Variants in NBAS observed in about 807,000 individuals in gnomAD.
The protein encoded by NBAS is NAG/BC035112 fusion.
NBAS carries 219 observed loss-of-function variants against 302.5 expected under a neutral mutation model. The observed-to-expected ratio is 0.72, with a 90% CI of 0.65 to 0.81. The LOEUF is 0.81. NBAS is among the 30% of genes least tolerant of loss of function. The probability of loss-of-function intolerance (pLI) is 0.00; values close to 1 mark genes in which losing one functional copy is unlikely to be tolerated. For missense variants in NBAS, 2,932 were observed against 2,841.6 expected, an observed-to-expected ratio of 1.03 and a Z score of -0.72; for synonymous variants, 1,118 against 1,021.6, an observed-to-expected ratio of 1.09 and a Z score of -1.80.
At chr2:14,907,707 G>T in the NBAS span, 1 of 152,224 alleles carries the variant, frequency 6.6e-6, no homozygotes, top group Non-Finnish European at 1.5e-5. Flanking sequence ...TCACATTCTG[G>T]CTTTCAGCCT....
At chr2:15,068,983 T>TG in the NBAS span, among the ~76,000 whole-genome samples, 2 of 152,024 alleles carry the variant, frequency 1.3e-5, no homozygotes, top group Non-Finnish European at 2.9e-5. Context: ...CTCACATGGT[T>TG]GGGGGGGCTT....
chr2:14,783,508 C>G, the NBAS span, among the ~76,000 whole-genome samples: 1 of 128,854 alleles, frequency 7.8e-6, no homozygotes, highest in African/African-American at 2.9e-5. Context: ...GTGTGATGTT[C>G]CCCTTCCTGT....
chr2:15,434,964 A>G (rs754970161), intron 21 of NBAS, among the ~76,000 whole-genome samples: 2 of 152,218 alleles, frequency 1.3e-5, no homozygotes, highest in Non-Finnish European at 2.9e-5. Flanking sequence ...AGAAAAACAG[A>G]GAGACCCTTA....
the NBAS span, among the ~76,000 whole-genome samples, chr2:14,992,413 G>GA: frequency 6.6e-6 from 1 of 152,176 alleles, no homozygotes; most frequent in East Asian, 1.9e-4. Flanking sequence ...CATACATCCT[G>GA]TTGTGCCTAA....
At chr2:15,552,142 G>C (rs73915373) in intron 5 of NBAS, among the ~76,000 whole-genome samples, 1 of 152,100 alleles carries the variant, frequency 6.6e-6, no homozygotes, top group East Asian at 1.9e-4. Context: ...AAACCTTCAT[G>C]TCTGTAGCAT....
Position 15,299,629 on chromosome 2 carries a change from T to G in NBAS, c.4798-6863A>C, listed in dbSNP as rs182370980. ...TCATCCCCCGCTGAGTTTGCTTCCC[T>G]AGTCTATAAAACTAAAGGACGTTTC... On this transcript the variant is annotated intron_variant, in intron 40 of 51. Transcript: ENST00000281513. 3.1e-4 allele frequency among the ~76,000 whole-genome samples: 47 copies of G among 152,358 alleles called. 1 individual carries two copies. The East Asian group carries it at 6.4e-3, about 21-fold the overall frequency.
At chr2:14,957,998 C>T in the NBAS span, among the ~76,000 whole-genome samples, 1 of 152,182 alleles carries the variant, frequency 6.6e-6, no homozygotes, top group Admixed American at 6.5e-5. Context: ...GCCTCTGAAC[C>T]CATCTAGGCT....
chr2:15,200,915 T>C (rs988896399), intron 48 of NBAS, among the ~76,000 whole-genome samples: 2 of 152,232 alleles, frequency 1.3e-5, no homozygotes, highest in African/African-American at 4.8e-5. Context: ...CCTACAGGTA[T>C]TGACAGTTGC....
chr2:14,914,635 G>A, the NBAS span, among the ~76,000 whole-genome samples: 1 of 152,142 alleles, frequency 6.6e-6, no homozygotes, highest in Non-Finnish European at 1.5e-5. Context: ...CTGATTTTAT[G>A]AGATGTCAAG....
chr2:15,402,054 T>C (rs569641799), intron 26 of NBAS, 114 bp downstream of exon 26: 15 of 1,124,208 alleles, frequency 1.3e-5, no homozygotes, highest in Non-Finnish European at 1.9e-5. Flanking sequence ...TTCTTCCTTA[T>C]GTTTTTTTCA....
At chr2:15,342,185 T>C (rs1191625244) in intron 35 of NBAS, among the ~76,000 whole-genome samples, 2 of 152,112 alleles carry the variant, frequency 1.3e-5, no homozygotes, top group Non-Finnish European at 2.9e-5. Context: ...TATACAAAGA[T>C]GTGTACGTAG....
At chr2:15,183,442 C>G (rs548742338) in intron 50 of NBAS, among the ~76,000 whole-genome samples, 3 of 152,206 alleles carry the variant, frequency 2.0e-5, no homozygotes, top group Admixed American at 6.5e-5. Flanking sequence ...TACTTTGCAA[C>G]GGGATTTAAC....
intron 44 of NBAS, among the ~76,000 whole-genome samples, chr2:15,252,977 A>C (rs1404279783): frequency 6.6e-6 from 1 of 152,228 alleles, no homozygotes; most frequent in African/African-American, 2.4e-5. Flanking sequence ...CTTTAAAAAG[A>C]AGGTGACACC....
chr2:15,506,732 T>C (rs888542946), intron 10 of NBAS, among the ~76,000 whole-genome samples: 5 of 151,880 alleles, frequency 3.3e-5, no homozygotes, highest in African/African-American at 1.2e-4. Flanking sequence ...TAAAGAAAGC[T>C]GGGAACAAAA....
intron 48 of NBAS, among the ~76,000 whole-genome samples, chr2:15,210,167 AATC>A (rs1011823568): frequency 1.3e-5 from 2 of 152,190 alleles, no homozygotes; most frequent in African/African-American, 4.8e-5. Flanking sequence ...CAAAGGAAAC[AATC>A]AACAAAGTGA....
the NBAS span, among the ~76,000 whole-genome samples, chr2:14,803,422 T>A: frequency 6.6e-6 from 1 of 152,218 alleles, no homozygotes; most frequent in African/African-American, 2.4e-5. Flanking sequence ...TTTTGTACTC[T>A]CACTACCTTG....
the NBAS span, among the ~76,000 whole-genome samples, chr2:15,024,260 A>G: frequency 0.77 from 116,904 of 151,680 alleles, 45,329 homozygotes; most frequent in East Asian, 1. Context: ...GCTAAGGATG[A>G]TGACCTCCAG....
chr2:15,532,856 C>T (rs115516029), intron 9 of NBAS, among the ~76,000 whole-genome samples: 169 of 151,672 alleles, frequency 1.1e-3, no homozygotes, highest in African/African-American at 3.9e-3. Context: ...AGAAAAGTCA[C>T]ATCTTGGTAA....
chr2:15,232,304 T>C lies in NBAS; in HGVS notation c.6236+118A>G, dbSNP rs1667413027. On this transcript the variant is annotated intron_variant, in intron 47 of 51. Coordinates refer to ENST00000281513, the MANE Select transcript of NBAS (RefSeq NM_015909.4). ...ATGTCTCCAAGTGCAGAGCCGCTCCTTTCCCACCTAAAAATGTGGCTTAGT... is the reference window on the plus strand; with the variant it reads ...ATGTCTCCAAGTGCAGAGCCGCTCCCTTCCCACCTAAAAATGTGGCTTAGT... 4 of 932,672 alleles carry C rather than the reference T, an allele frequency of 4.3e-6. No homozygotes were observed. In the East Asian group the frequency reaches 1.1e-4, roughly 25 times the overall value. 57.8% of individuals were successfully genotyped at this position (932,672 alleles called of 1,614,324 possible).
Sources: gnomAD v4.1 joint callset for allele counts (sites outside exome capture counted in the v4.1 genomes callset) on GRCh38, gnomAD v4.1.1 for gene constraint, MANE v1.5 for transcripts, NCBI Gene and HGNC (gene_info 2026-07-23, HGNC 2026-07-21) for gene names.